The following COL6A2 variants were observed in gnomAD, a reference collection of about 807,000 sequenced individuals.
COL6A2 encodes the protein collagen type VI alpha 2 chain, also known as collagen alpha-2(VI) chain.
In COL6A2, 90 loss-of-function variants were observed where a neutral mutation model predicts 124.9. That is an observed-to-expected ratio of 0.72 (90% CI 0.61 to 0.86). The LOEUF (loss-of-function observed/expected upper bound fraction) is 0.86, where lower values mean the gene tolerates loss of function less well. Ranked by LOEUF, COL6A2 falls within the 40% of genes least tolerant of loss-of-function variation. The pLI, the probability that COL6A2 is intolerant of heterozygous loss-of-function variation, is 0.00. For missense variants in COL6A2, 1,607 were observed against 1,502.5 expected, an observed-to-expected ratio of 1.07 and a Z score of -1.15; for synonymous variants, 793 against 618.2, an observed-to-expected ratio of 1.28 and a Z score of -4.19.
At chr21:46,129,156 A>C in intron 27 of COL6A2, 5 of 1,612,038 alleles carry the variant, frequency 3.1e-6, no homozygotes, top group Non-Finnish European at 4.2e-6. Flanking sequence ...GCCGACGCCC[A>C]CCGCAGGCCT....
At chr21:46,126,635 A>AG in intron 27 of COL6A2, 94 bp downstream of exon 27, 1 of 1,430,548 alleles carries the variant, frequency 7.0e-7, no homozygotes, top group Non-Finnish European at 9.7e-7. Context: ...GGGGCCGTGC[A>AG]GGGACCCGGG....
At chr21:46,099,979 C>T (rs1271690693) in intron 1 of COL6A2, among the ~76,000 whole-genome samples, 1 of 137,084 alleles carries the variant, frequency 7.3e-6, no homozygotes, top group Non-Finnish European at 1.5e-5. Context: ...GGTTTTTGTG[C>T]AGTACAAGGC....
intron 15 of COL6A2, among the ~76,000 whole-genome samples, 153 bp from the exon 16 acceptor site, chr21:46,120,362 G>A (rs1212188832): frequency 6.6e-6 from 1 of 152,126 alleles, no homozygotes; most frequent in Non-Finnish European, 1.5e-5. Flanking sequence ...GGAGCTATGG[G>A]TGAAACAGGC....
In COL6A2 at chr21:46,116,634, G is replaced by A; in HGVS notation, c.928-17G>A. ...TTGAGGCACCGAGCTCACTGCGCCGGCTTTCCTCCTACACAGGGTGAATTT... is the reference window on the plus strand; with the variant it reads ...TTGAGGCACCGAGCTCACTGCGCCGACTTTCCTCCTACACAGGGTGAATTT... On this transcript the variant is annotated splice_polypyrimidine_tract_variant and intron_variant, in intron 8 of 27. Coordinates refer to ENST00000300527, the MANE Select transcript of COL6A2 (RefSeq NM_001849.4). The surrounding 1 kb of genome is among the most constrained non-coding windows in gnomAD (Gnocchi z 4.6). 1 of 1,612,962 alleles carries A rather than the reference G, an allele frequency of 6.2e-7. No individual in the cohort carries two copies. The highest frequency in any genetic ancestry group is 8.5e-7 in the Non-Finnish European group (1 of 1,180,008).
chr21:46,118,563 C>A (rs1426582939), intron 12 of COL6A2, 51 bp from the exon 13 acceptor site: 4 of 1,582,608 alleles, frequency 2.5e-6, no homozygotes, highest in Middle Eastern at 1.7e-4. Context: ...GCATCCTGCA[C>A]CCCCCTTCCC....
chr21:46,132,379 T>G lies in COL6A2; in HGVS notation c.2887T>G (p.Ser963Ala), dbSNP rs771847588. 2 of 1,609,324 alleles carry G rather than the reference T, an allele frequency of 1.2e-6. No individual in the cohort carries two copies. Among genetic ancestry groups the G allele is most frequent in the African/African-American group, 2.7e-5 (2 of 74,998 alleles). ...CGACAGTCTGCACGAGTCGGCGCAC[T>G]CCATGCGCAAGCAGAACGTGGTACC... Reference protein sequence around the residue: ...GNDSLHESAHSMRKQNVVPTV... With the variant: ...GNDSLHESAHAMRKQNVVPTV... The change falls in exon 28 of 28, where the codon TCC becomes GCC. Residue 963 changes from serine (S) to alanine (A), a missense_variant. Physicochemically the swap from Ser to Ala is moderately conservative, Grantham distance 99. Around this residue, in one of 3 missense-constraint regions of COL6A2, gnomAD observed 1,223 missense variants for 1,052.2 expected, o/e 1.16. Coordinates refer to ENST00000300527, the MANE Select transcript of COL6A2 (RefSeq NM_001849.4).
At chr21:46,103,276 T>C (rs2078305976) in intron 1 of COL6A2, among the ~76,000 whole-genome samples, 1 of 152,198 alleles carries the variant, frequency 6.6e-6, no homozygotes, top group Admixed American at 6.5e-5. Context: ...GTTGCCACTT[T>C]CACTTATAAT....
In COL6A2 at chr21:46,117,887, AC is replaced by A; in HGVS notation, c.1070del (p.Pro357ArgfsTer51). 1 of 1,612,202 alleles carries A rather than the reference AC, an allele frequency of 6.2e-7. No homozygotes were observed. The highest frequency in any genetic ancestry group is 1.7e-5 in the Admixed American group (1 of 59,928). On this transcript the variant is annotated frameshift_variant, in exon 12 of 28. Coordinates refer to ENST00000300527, the MANE Select transcript of COL6A2 (RefSeq NM_001849.4). LOFTEE classifies it high-confidence loss of function. ...GDPGNRGPDG[Y>X]PGEAGSPGER... is the part of the protein sequence containing the mutation. ...CTCCTCTCTCAGGGCCCCGACGGTT[AC>A]CCGGGGGAAGCAGGGAGTCCAGGGG...
In COL6A2 at chr21:46,132,595, C is replaced by G; in HGVS notation, c.*43C>G. Reference sequence around the variant, plus strand: ...CGCAGTCGAGGGTCGTGAGCCCACCCCGTCCATGGTGCTAAGCGGGCCCGG... The same window carrying G: ...CGCAGTCGAGGGTCGTGAGCCCACCGCGTCCATGGTGCTAAGCGGGCCCGG... On this transcript the variant is annotated 3_prime_UTR_variant, in exon 28 of 28. Coordinates refer to ENST00000300527, the MANE Select transcript of COL6A2 (RefSeq NM_001849.4). The G allele has an allele frequency of 6.5e-7, 1 of 1,539,836 alleles. No homozygotes were observed. Among genetic ancestry groups the G allele is most frequent in the South Asian group, 1.2e-5 (1 of 85,974 alleles).
Position 46,122,548 on chromosome 21 carries a change from G to C in COL6A2, c.1608+17G>C. On this transcript the variant is annotated intron_variant, in intron 20 of 27. Coordinates refer to ENST00000300527, the MANE Select transcript of COL6A2 (RefSeq NM_001849.4). ...GGCCCCGAGGTATGTGTGGGTCCTG[G>C]CCACCTGTGCCCACCCAGGGTGGGG... 1.2e-6 allele frequency: 2 copies of C among 1,612,454 alleles called. No individual in the cohort carries two copies. The highest frequency in any genetic ancestry group is 8.5e-7 in the Non-Finnish European group (1 of 1,179,842).
At chr21:46,117,653 C>T (rs2078493580) in intron 11 of COL6A2, 200 bp downstream of exon 11, 11 of 740,794 alleles carry the variant, frequency 1.5e-5, no homozygotes, top group Admixed American at 1.0e-4. Context: ...GGCGGATCCC[C>T]GTGGCCTGGA....
rs1173463154 is a variant in COL6A2, at chr21:46,126,487, C to T, written c.2423-16C>T. The stretch of plus-strand genomic sequence containing the variant: ...GACTGACCCTGGCCTGGCCCGGCCT[C>T]TCTCCTCTCTTCCAGACCCTCAGAT... On this transcript the variant is annotated splice_polypyrimidine_tract_variant and intron_variant, in intron 26 of 27. Coordinates refer to ENST00000300527, the MANE Select transcript of COL6A2 (RefSeq NM_001849.4). 6.6e-7 allele frequency: 1 copy of T among 1,521,882 alleles called. No individual in the cohort carries two copies. Among genetic ancestry groups the T allele is most frequent in the Non-Finnish European group, 9.1e-7 (1 of 1,100,534 alleles). 94.3% of individuals were successfully genotyped at this position (1,521,882 alleles called of 1,614,324 possible).
At chr21:46,106,623 T>C (rs991045532) in intron 1 of COL6A2, among the ~76,000 whole-genome samples, 5 of 152,258 alleles carry the variant, frequency 3.3e-5, no homozygotes, top group Admixed American at 3.3e-4. Context: ...TGGAGTTTAT[T>C]TGGGAGCACC....
rs1491456183 is a variant in COL6A2 at position 46,124,538 on chromosome 21, C to CT, written c.1672-113_1672-112insT. ...TTGTCTTACTCCTTGCACCTGTTAG[C>CT]CCCCCCCCCCGCCAAGGGAGGACCC... On this transcript the variant is annotated intron_variant, in intron 21 of 27. Transcript: ENST00000300527. 3.7e-3 allele frequency: 47 copies of CT among 12,652 alleles called. No individual in the cohort carries two copies. In the East Asian group the frequency reaches 0.1, roughly 27 times the overall value. 0.8% of individuals were successfully genotyped at this position (12,652 alleles called of 1,614,324 possible). A position where few individuals can be genotyped will look rare whatever the true frequency, so the allele number is the denominator to read the frequency against.
chr21:46,111,819 G>A (rs1312483542), intron 2 of COL6A2, among the ~76,000 whole-genome samples, 160 bp from the exon 3 acceptor site: 9 of 113,816 alleles, frequency 7.9e-5, no homozygotes, highest in South Asian at 3.5e-4. Flanking sequence ...CATTTGGGGG[G>A]CAGTTGGGAC....
chr21:46,125,132 GGACCCGCCAGCCTCCCC>G, intron 23 of COL6A2, 117 bp from the exon 24 acceptor site: 1 of 1,055,106 alleles, frequency 9.5e-7, no homozygotes. Flanking sequence ...GGTAGGGACA[GGACCCGCCAGCCTCCCC>G]GCATGGCTGC....
At chr21:46,114,821 A>AACTC (rs2078449875) in intron 5 of COL6A2, among the ~76,000 whole-genome samples, 1 of 152,258 alleles carries the variant, frequency 6.6e-6, no homozygotes, top group South Asian at 2.1e-4. Context: ...GAGTATGTGA[A>AACTC]ACTCCAACAA....
Position 46,125,144 on chromosome 21 carries a change from C to T in COL6A2, c.1771-122C>T, listed in dbSNP as rs532544043. The stretch of plus-strand genomic sequence containing the variant: ...GTTGGTAGGGACAGGACCCGCCAGC[C>T]TCCCCGCATGGCTGCCTCCACACGT... On this transcript the variant is annotated intron_variant, in intron 23 of 27. Transcript: ENST00000300527. 53 of 1,097,448 alleles carry T rather than the reference C, an allele frequency of 4.8e-5. No homozygotes were observed. In the East Asian group the frequency reaches 8.0e-4, roughly 17 times the overall value. The allele number at this position is 1,097,448 out of a possible 1,614,324, so 68.0% of individuals were successfully genotyped here.
chr21:46,111,025 G>A (rs2123611157), intron 1 of COL6A2, among the ~76,000 whole-genome samples: 1 of 152,332 alleles, frequency 6.6e-6, no homozygotes, highest in East Asian at 1.9e-4. Flanking sequence ...CTCTGCAGGG[G>A]AGCCGGTCTG....
Sources: allele counts gnomAD v4.1 joint callset (sites outside exome capture counted in the v4.1 genomes callset), GRCh38; gene constraint gnomAD v4.1.1; regional missense constraint gnomAD v4.1.1; non-coding constraint Gnocchi (gnomAD v3.1); transcripts MANE v1.5; gene names NCBI Gene and HGNC (gene_info 2026-07-23, HGNC 2026-07-21).